The following MUC5AC variants were observed in gnomAD, a reference collection of about 807,000 sequenced individuals.
MUC5AC encodes mucin 5AC, oligomeric mucus/gel-forming.
In MUC5AC, 158 loss-of-function variants were observed where a neutral mutation model predicts 169.7. The observed-to-expected ratio is 0.93, with a 90% confidence interval of 0.82 to 1.06. MUC5AC has a LOEUF of 1.06. Ranked by LOEUF, MUC5AC falls within the 50% of genes least tolerant of loss-of-function variation. MUC5AC has a pLI of 0.00. For synonymous variants in MUC5AC, 1,975 were observed against 1,237.0 expected (o/e 1.60, Z -12.52); for missense variants, 4,359 against 3,089.9 (o/e 1.41, Z -9.74).
rs773646583 is a variant in MUC5AC, at chr11:1,163,060, C to T, written c.679+15C>T. ...CCTCTCCCACAGTAAGGCCCCACAT[C>T]GCCCTCAGCCCCTTCCTCAGTGTCC... On this transcript the variant is annotated intron_variant, in intron 6 of 48. Transcript: ENST00000621226. The T allele has an allele frequency of 9.3e-5, 150 of 1,608,700 alleles. No individual in the cohort carries two copies. The highest frequency in any genetic ancestry group is 1.1e-4 in the Non-Finnish European group (132 of 1,176,184).
rs1564913819 is a variant in MUC5AC at position 1,184,952 on chromosome 11, C to T, written c.6807C>T (p.Thr2269=). Residue 2269 remains threonine (T), a synonymous_variant, in exon 31 of 49, where the codon ACC becomes ACT. Coordinates refer to ENST00000621226, the MANE Select transcript of MUC5AC (RefSeq NM_001304359.2). ...STTSTPQTST[T]YAHTTSTTSA... is the part of the protein sequence containing the mutation. The stretch of plus-strand genomic sequence containing the variant: ...CCTCCACTCCACAGACCAGTACAAC[C>T]TATGCCCATACAACCAGCACAACCT... The T allele has an allele frequency of 3.0e-6, 2 of 665,888 alleles. No homozygotes were observed. The highest frequency in any genetic ancestry group is 2.7e-6 in the Non-Finnish European group (1 of 367,618). The allele number at this position is 665,888 out of a possible 1,614,324, so 41.2% of individuals were successfully genotyped here.
intron 15 of MUC5AC, 68 bp from the exon 16 acceptor site, chr11:1,172,361 G>A: frequency 5.0e-6 from 2 of 398,660 alleles, no homozygotes; most frequent in South Asian, 1.3e-4. Context: ...CCACACCAGA[G>A]GCCAAGCTGG....
rs985142078 is a variant in MUC5AC, at chr11:1,175,059, A to T, written c.2270A>T (p.Gln757Leu). The T allele has an allele frequency of 2.5e-6, 1 of 400,184 alleles. No individual in the cohort carries two copies. The highest frequency in any genetic ancestry group is 4.4e-5 in the Admixed American group (1 of 22,766). 24.8% of individuals were successfully genotyped at this position (400,184 alleles called of 1,614,324 possible). A position where few individuals can be genotyped will look rare whatever the true frequency, so the allele number is the denominator to read the frequency against. The change falls in exon 18 of 49, where the codon CAG becomes CTG. Residue 757 changes from glutamine (Q) to leucine (L), a missense_variant. Transcript: ENST00000621226. ...CTGGACGACACGGGCAAGTGTGTGC[A>T]GGCCAGCAACTGTCCCTGCTACCAC... ...TFLDDTGKCV[Q>L]ASNCPCYHRG...
rs1462933515 is a variant in MUC5AC, at chr11:1,200,465, G to A, written c.16728G>A (p.Glu5576=). 1 of 723,346 alleles carries A rather than the reference G, an allele frequency of 1.4e-6. No homozygotes were observed. The highest frequency in any genetic ancestry group is 2.6e-5 in the East Asian group (1 of 38,484). 44.8% of individuals were successfully genotyped at this position (723,346 alleles called of 1,614,324 possible). ...SMYSLEGNTV[E]HRCQCCQELR... ...ACTCGCTCGAGGGCAACACGGTGGA[G>A]CACAGGTGCCAGTGCTGCCAGGAGC... The change falls in exon 49 of 49, where the codon GAG becomes GAA. Residue 5576 remains glutamate (E), a synonymous_variant. Coordinates refer to ENST00000621226, the MANE Select transcript of MUC5AC (RefSeq NM_001304359.2).
rs1861326666 is a variant in MUC5AC, at chr11:1,197,964, G to A, written c.16095G>A (p.Pro5365=). 2 of 733,670 alleles carry A rather than the reference G, an allele frequency of 2.7e-6. No individual in the cohort carries two copies. Among genetic ancestry groups the A allele is most frequent in the Non-Finnish European group, 5.0e-6 (2 of 403,248 alleles). 45.4% of individuals were successfully genotyped at this position (733,670 alleles called of 1,614,324 possible). A position where few individuals can be genotyped will look rare whatever the true frequency, so the allele number is the denominator to read the frequency against. Residue 5365 remains proline, a synonymous_variant, in exon 42 of 49, where the codon CCG becomes CCA. Coordinates refer to ENST00000621226, the MANE Select transcript of MUC5AC (RefSeq NM_001304359.2). ...VGCPEGARAI[P]TYQEGACCPV... is the part of the protein sequence containing the mutation. Reference sequence around the variant, plus strand: ...GTCCTGAGGGCGCCCGCGCGATCCCGACCTACCAGGAGGGGGCCTGCTGCC... The same window carrying A: ...GTCCTGAGGGCGCCCGCGCGATCCCAACCTACCAGGAGGGGGCCTGCTGCC...
Position 1,188,422 on chromosome 11 carries a change from G to A in MUC5AC, c.10277G>A (p.Arg3426His), listed in dbSNP as rs1391780761. The change falls in exon 31 of 49, where the codon CGT becomes CAT. Residue 3426 changes from arginine to histidine, a missense_variant. By Grantham distance (29) the Arg-to-His change is conservative. Coordinates refer to ENST00000621226, the MANE Select transcript of MUC5AC (RefSeq NM_001304359.2). ...CCTACAAGCAGCACAATCTCTGCTC[G>A]TACAACCAGCATAATCTCTGCCCCT... ...SAPTSSTISA[R>H]TTSIISAPTT... is the part of the protein sequence containing the mutation. 6.7e-4 allele frequency: 423 copies of A among 634,148 alleles called. 11 individuals are homozygous for A. The South Asian group carries it at 7.2e-3, about 11-fold the overall frequency. The allele number at this position is 634,148 out of a possible 1,614,324, so 39.3% of individuals were successfully genotyped here.
chr11:1,175,482 TGC>T (rs1860646886), intron 19 of MUC5AC, among the ~76,000 whole-genome samples: 1 of 106,228 alleles, frequency 9.4e-6, no homozygotes, highest in African/African-American at 3.3e-5. Context: ...CACCCACTCA[TGC>T]ACATGCTCAC....
intron 38 of MUC5AC, 26 bp from the exon 39 acceptor site, chr11:1,196,591 A>T (rs749809978): frequency 1.3e-6 from 1 of 761,088 alleles, no homozygotes; most frequent in Non-Finnish European, 2.4e-6. Flanking sequence ...GAAAAAGGAG[A>T]CCCACCAACC....
Position 1,189,941 on chromosome 11 carries a change from G to A in MUC5AC, c.11796G>A (p.Lys3932=), listed in dbSNP as rs1388228856. ...VPTTSTASVS[K]TSTSHVSVSK... is the part of the protein sequence containing the mutation. Reference sequence around the variant, plus strand: ...CCACCAGCACAGCCTCTGTTTCAAAGACCAGCACAAGCCATGTTTCTGTAT... The same window carrying A: ...CCACCAGCACAGCCTCTGTTTCAAAAACCAGCACAAGCCATGTTTCTGTAT... Residue 3932 remains lysine, a synonymous_variant, in exon 31 of 49, where the codon AAG becomes AAA. Coordinates refer to ENST00000621226, the MANE Select transcript of MUC5AC (RefSeq NM_001304359.2). 1.3e-6 allele frequency: 1 copy of A among 765,086 alleles called. No homozygotes were observed. The highest frequency in any genetic ancestry group is 2.4e-5 in the East Asian group (1 of 41,246). 47.4% of individuals were successfully genotyped at this position (765,086 alleles called of 1,614,324 possible). A position where few individuals can be genotyped will look rare whatever the true frequency, so the allele number is the denominator to read the frequency against.
Position 1,186,806 on chromosome 11 carries a change from T to A in MUC5AC, c.8661T>A (p.Val2887=). 1.4e-6 allele frequency: 1 copy of A among 740,010 alleles called. No individual in the cohort carries two copies. The highest frequency in any genetic ancestry group is 1.8e-5 in the Admixed American group (1 of 55,704). 45.8% of individuals were successfully genotyped at this position (740,010 alleles called of 1,614,324 possible). ...GCCCTGGAACTACTCCCAGCCCTGT[T>A]CCCACCACCAGTACAACCTCTGCTC... is the stretch of plus-strand genomic sequence containing the variant. The part of the protein sequence containing the change: ...TSGPGTTPSP[V]PTTSTTSAPT... Residue 2887 remains valine, a synonymous_variant, in exon 31 of 49, where the codon GTT becomes GTA. Coordinates refer to ENST00000621226, the MANE Select transcript of MUC5AC (RefSeq NM_001304359.2).
chr11:1,197,837 C>A (rs1861318029), intron 41 of MUC5AC, 66 bp from the exon 42 acceptor site: 1 of 676,522 alleles, frequency 1.5e-6, no homozygotes. Flanking sequence ...CTAGAGACCC[C>A]AGGGGGTGGG....
rs55715525 is a variant in MUC5AC at position 1,194,569 on chromosome 11, C to T, written c.15089C>T (p.Ala5030Val). The T allele has an allele frequency of 3.9e-3, 3,000 of 764,370 alleles. 66 individuals carry two copies. In the African/African-American group the frequency reaches 0.043, roughly 11 times the overall value. 47.3% of individuals were successfully genotyped at this position (764,370 alleles called of 1,614,324 possible). A position where few individuals can be genotyped will look rare whatever the true frequency, so the allele number is the denominator to read the frequency against. The change falls in exon 35 of 49, where the codon GCG becomes GTG. Residue 5030 changes from alanine to valine, a missense_variant. Coordinates refer to ENST00000621226, the MANE Select transcript of MUC5AC (RefSeq NM_001304359.2). The stretch of plus-strand genomic sequence containing the variant: ...TCGCGCATCGGCGTCAAGATGTACG[C>T]GACCATCCCGGAGCTGGGAGTCCAG... ...VVSRIGVKMY[A>V]TIPELGVQVM...
chr11:1,166,230 C>T (rs1053247703), intron 11 of MUC5AC, among the ~76,000 whole-genome samples: 4 of 148,862 alleles, frequency 2.7e-5, no homozygotes, highest in Non-Finnish European at 4.5e-5. Flanking sequence ...GACCCTGCAC[C>T]CAACACACAG....
chr11:1,194,784 T>C (rs1166902565), intron 35 of MUC5AC, 114 bp downstream of exon 35: 6 of 626,858 alleles, frequency 9.6e-6, no homozygotes, highest in Non-Finnish European at 1.7e-5. Context: ...CTGGCTGCTC[T>C]GCTGAGTGCA....
Position 1,168,539 on chromosome 11 carries a change from G to T in MUC5AC, c.1554G>T (p.Leu518=). 6.2e-7 allele frequency: 1 copy of T among 1,612,604 alleles called. No individual in the cohort carries two copies. Among genetic ancestry groups the T allele is most frequent in the Non-Finnish European group, 8.5e-7 (1 of 1,179,812 alleles). Residue 518 remains leucine, a synonymous_variant, in exon 13 of 49, where the codon CTG becomes CTT. Coordinates refer to ENST00000621226, the MANE Select transcript of MUC5AC (RefSeq NM_001304359.2). ...TCCTGAACCAGATCTACACCCAGCT[G>T]CCCATCTCTGCAGGTGAGGGCAGTG... ...EVFLNQIYTQ[L]PISAANVTIF... is the part of the protein sequence containing the mutation.
In MUC5AC at chr11:1,186,980, A is replaced by G. The variant is rs1860966366; in HGVS notation, c.8835A>G (p.Gly2945=). 2 of 738,992 alleles carry G rather than the reference A, an allele frequency of 2.7e-6. No homozygotes were observed. The highest frequency in any genetic ancestry group is 2.8e-5 in the South Asian group (2 of 71,246). The allele number at this position is 738,992 out of a possible 1,614,324, so 45.8% of individuals were successfully genotyped here. Reference sequence around the variant, plus strand: ...CAACCAGCACAACTTCTGTTCCTGGAACTACTCCCAGCCCTGTTCCTACCA... The same window carrying G: ...CAACCAGCACAACTTCTGTTCCTGGGACTACTCCCAGCCCTGTTCCTACCA... The part of the protein sequence containing the change: ...VPTTSTTSVP[G]TTPSPVPTTS... The change falls in exon 31 of 49, where the codon GGA becomes GGG. Residue 2945 remains glycine, a synonymous_variant. Coordinates refer to ENST00000621226, the MANE Select transcript of MUC5AC (RefSeq NM_001304359.2).
rs758912063 is a variant in MUC5AC at position 1,193,604 on chromosome 11, C to A, written c.14700C>A (p.Tyr4900Ter). The A allele has an allele frequency of 3.0e-5, 23 of 764,500 alleles. No individual in the cohort carries two copies. The highest frequency in any genetic ancestry group is 3.8e-5 in the Non-Finnish European group (16 of 417,812). The allele number at this position is 764,500 out of a possible 1,614,324, so 47.4% of individuals were successfully genotyped here. ...RVEKPTCANG[Y>*]PAVKVADQDG... Reference sequence around the variant, plus strand: ...AGAAGCCCACTTGTGCCAACGGCTACCCGGCTGTGAAGGTGGCTGACCAAG... The same window carrying A: ...AGAAGCCCACTTGTGCCAACGGCTAACCGGCTGTGAAGGTGGCTGACCAAG... Residue 4900 changes from tyrosine to a stop codon, truncating the protein, a stop_gained, in exon 33 of 49, where the codon TAC becomes TAA. Transcript: ENST00000621226. LOFTEE classifies it high-confidence loss of function.
intron 36 of MUC5AC, 93 bp from the exon 37 acceptor site, chr11:1,195,783 G>A (rs906152559): frequency 4.7e-5 from 31 of 666,562 alleles, no homozygotes; most frequent in Non-Finnish European, 6.0e-5. Context: ...GACTCGCCTC[G>A]CCTGGAGACT....
Position 1,200,546 on chromosome 11 carries a change from C to T in MUC5AC, c.16809C>T (p.Ala5603=), listed in dbSNP as rs758379125. ...ACTGCACCGACGGCTCCAGCCGGGC[C>T]TTCAGCTACACCGAGGTGGAAGAGT... is the stretch of plus-strand genomic sequence containing the variant. The part of the protein sequence containing the change: ...TLHCTDGSSR[A]FSYTEVEECG... Residue 5603 remains alanine (A), a synonymous_variant, in exon 49 of 49, where the codon GCC becomes GCT. Coordinates refer to ENST00000621226, the MANE Select transcript of MUC5AC (RefSeq NM_001304359.2). 2 of 764,332 alleles carry T rather than the reference C, an allele frequency of 2.6e-6. No homozygotes were observed. The highest frequency in any genetic ancestry group is 4.8e-6 in the Non-Finnish European group (2 of 417,476). The allele number at this position is 764,332 out of a possible 1,614,324, so 47.3% of individuals were successfully genotyped here.
Sources: allele counts gnomAD v4.1 joint callset (sites outside exome capture counted in the v4.1 genomes callset), GRCh38; gene constraint gnomAD v4.1.1; transcripts MANE v1.5; gene names NCBI Gene and HGNC (gene_info 2026-07-23, HGNC 2026-07-21).